Variants in NF1 observed in about 807,000 individuals in gnomAD.
NF1 encodes neurofibromin.
In NF1, 122 loss-of-function variants were observed where a neutral mutation model predicts 325.7. The ratio of observed to expected loss-of-function variants is 0.37; its 90% CI spans 0.32 to 0.44. NF1 has a LOEUF of 0.44. Among genes scored for constraint, NF1 ranks in the 20% least tolerant of loss-of-function variants. The pLI is 1.00. For missense variants in NF1, 2,140 were observed against 3,415.4 expected (o/e 0.63, Z 9.31); for synonymous variants, 1,091 against 1,186.0 (o/e 0.92, Z 1.65).
At chr17:31,305,419 T>C (rs2068691186) in intron 36 of NF1, 4 of 1,614,210 alleles carry the variant, frequency 2.5e-6, no homozygotes, top group Non-Finnish European at 2.5e-6. Flanking sequence ...AGAAAAAGTG[T>C]CGCTGAATTG....
chr17:31,249,811 G>A (rs1189276459), intron 30 of NF1: 5 of 361,490 alleles, frequency 1.4e-5, no homozygotes, highest in Non-Finnish European at 2.7e-5. Flanking sequence ...TTTATTCCAA[G>A]GGAGGTCCTG....
At chr17:31,340,470 C>A in intron 46 of NF1, 35 bp from the exon 47 acceptor site, 1 of 1,613,904 alleles carries the variant, frequency 6.2e-7, no homozygotes, top group South Asian at 1.1e-5. Flanking sequence ...TGTCATGATT[C>A]ATCTTACTAG....
intron 36 of NF1, among the ~76,000 whole-genome samples, chr17:31,269,149 T>C (rs555008304): frequency 5.3e-5 from 8 of 152,298 alleles, no homozygotes; most frequent in African/African-American, 1.9e-4. Context: ...TCCTCCTCCT[T>C]CATCACCAGT....
At chr17:31,314,117 A>G in intron 36 of NF1, 1 of 397,516 alleles carries the variant, frequency 2.5e-6, no homozygotes, top group Non-Finnish European at 4.4e-6. Flanking sequence ...GTTTCTGTAG[A>G]AAAAGAGGAA....
intron 36 of NF1, among the ~76,000 whole-genome samples, chr17:31,288,185 A>G (rs141486720): frequency 1.0e-3 from 156 of 152,232 alleles, no homozygotes; most frequent in African/African-American, 3.4e-3. Context: ...ATCTCAGGTC[A>G]GGCTTTCTAG....
At chr17:31,172,821 T>A (rs2065952872) in intron 5 of NF1, among the ~76,000 whole-genome samples, 1 of 152,062 alleles carries the variant, frequency 6.6e-6, no homozygotes, top group Non-Finnish European at 1.5e-5. Context: ...AGTATTTTAT[T>A]TTAGATATAC....
At chr17:31,337,304 A>C in intron 42 of NF1, 64 bp from the exon 43 acceptor site, 1 of 1,320,098 alleles carries the variant, frequency 7.6e-7, no homozygotes, top group Non-Finnish European at 1.1e-6. Flanking sequence ...AAAATGAAAC[A>C]TGGAACTTTA....
At chr17:31,250,909 T>A (rs2067482864) in intron 30 of NF1, 1 of 189,582 alleles carries the variant, frequency 5.3e-6, no homozygotes, top group Admixed American at 6.2e-5. Flanking sequence ...CATAAAATTA[T>A]TATCTTTAAA....
chr17:31,172,224 G>A (rs1289792152), intron 5 of NF1, among the ~76,000 whole-genome samples: 1 of 152,140 alleles, frequency 6.6e-6, no homozygotes, highest in Non-Finnish European at 1.5e-5. Context: ...CTACTTGGGA[G>A]GCTGAGGTGG....
intron 36 of NF1, chr17:31,318,174 C>G: frequency 8.4e-7 from 1 of 1,194,764 alleles, no homozygotes. Context: ...GTCTCACCTG[C>G]TTGATTCTAA....
intron 1 of NF1, among the ~76,000 whole-genome samples, chr17:31,104,059 G>A (rs1217606940): frequency 2.0e-5 from 3 of 151,690 alleles, no homozygotes; most frequent in Non-Finnish European, 4.4e-5. Context: ...TTTGTTTTTC[G>A]TTTTTTATTT....
intron 1 of NF1, among the ~76,000 whole-genome samples, chr17:31,095,693 T>C (rs1186998885): frequency 6.6e-6 from 1 of 152,158 alleles, no homozygotes; most frequent in Non-Finnish European, 1.5e-5. Flanking sequence ...GGGGCGCCTT[T>C]AGGGGCGCGC....
rs2069705304 is a variant in NF1, at chr17:31,337,466, A to G, written c.6526A>G (p.Ile2176Val). 3.1e-6 allele frequency: 5 copies of G among 1,614,082 alleles called. No homozygotes were observed. Among genetic ancestry groups the G allele is most frequent in the South Asian group, 1.1e-5 (1 of 91,086 alleles). ...GISKVKSAAV[I>V]AFRSSYRDRS... The stretch of plus-strand genomic sequence containing the variant: ...TAGCAAAGTCAAGTCAGCTGCTGTC[A>G]TTGCCTTCCGTTCCAGTTACCGGGA... The change falls in exon 43 of 58, where the codon ATT becomes GTT. Residue 2176 changes from isoleucine to valine, a missense_variant. This residue lies in a region of NF1 where 180 missense variants were observed against 435.1 expected (regional missense o/e 0.41). Transcript: ENST00000358273.
At chr17:31,113,496 G>A (rs773453110) in intron 1 of NF1, among the ~76,000 whole-genome samples, 15 of 151,600 alleles carry the variant, frequency 9.9e-5, no homozygotes, top group Non-Finnish European at 1.9e-4. Context: ...CTCTCGCCTC[G>A]GCTTCCCAAA....
chr17:31,339,323 AT>A (rs2069761078), intron 46 of NF1, among the ~76,000 whole-genome samples: 1 of 152,180 alleles, frequency 6.6e-6, no homozygotes, highest in Non-Finnish European at 1.5e-5. Context: ...TGAAGATTAT[AT>A]TTAAAAGGAG....
chr17:31,245,857 T>C (rs1213145423), intron 29 of NF1, among the ~76,000 whole-genome samples: 1 of 152,142 alleles, frequency 6.6e-6, no homozygotes, highest in East Asian at 1.9e-4. Context: ...TCAGCCTCTC[T>C]CCTCTCCTTG....
intron 31 of NF1, among the ~76,000 whole-genome samples, chr17:31,254,538 T>A: frequency 6.6e-6 from 1 of 152,140 alleles, no homozygotes; most frequent in Admixed American, 6.5e-5. Context: ...GAGTTTAACA[T>A]AATGTACACC....
intron 12 of NF1, among the ~76,000 whole-genome samples, chr17:31,212,316 G>A (rs1195084540): frequency 1.3e-5 from 2 of 152,200 alleles, no homozygotes; most frequent in African/African-American, 4.8e-5. Context: ...ATCTCTTGTG[G>A]TAACAATGCC....
At chr17:31,250,898 AC>A (rs2067482662) in intron 30 of NF1, 2 of 189,328 alleles carry the variant, frequency 1.1e-5, no homozygotes, top group South Asian at 1.9e-4. Context: ...TTAAAATTTC[AC>A]ATAAAATTAT....
Sources: gnomAD v4.1 joint callset for allele counts (sites outside exome capture counted in the v4.1 genomes callset) on GRCh38, gnomAD v4.1.1 for gene constraint, gnomAD v4.1.1 regional missense constraint, MANE v1.5 for transcripts, NCBI Gene and HGNC (gene_info 2026-07-23, HGNC 2026-07-21) for gene names.